The following RELN variants were observed in gnomAD, a reference collection of about 807,000 sequenced individuals.
The protein encoded by RELN is reelin.
Under a neutral mutation model 427.6 loss-of-function variants are expected in RELN, and 108 were observed. The ratio of observed to expected loss-of-function variants is 0.25; its 90% confidence interval spans 0.22 to 0.30. RELN has a LOEUF of 0.30. Among genes scored for constraint, RELN ranks in the 10% least tolerant of loss-of-function variants. The pLI, the probability that RELN is intolerant of heterozygous loss-of-function variation, is 1.00. For missense variants in RELN, 3,715 were observed against 4,302.8 expected (o/e 0.86, Z 3.82); for synonymous variants, 1,524 against 1,513.4 (o/e 1.01, Z -0.16).
At chr7:103,547,259 T>C (rs1830317371) in intron 41 of RELN, among the ~76,000 whole-genome samples, 1 of 152,196 alleles carries the variant, frequency 6.6e-6, no homozygotes, top group South Asian at 2.1e-4. Context: ...TTCTAAAATT[T>C]AGTGGATAGT....
At chr7:103,873,000 A>G (rs568381743) in intron 2 of RELN, among the ~76,000 whole-genome samples, 2 of 152,140 alleles carry the variant, frequency 1.3e-5, no homozygotes, top group East Asian at 3.9e-4. Flanking sequence ...AAATTAACAA[A>G]CTATCTCTCA....
intron 24 of RELN, among the ~76,000 whole-genome samples, chr7:103,599,272 G>A (rs1206232852): frequency 1.3e-5 from 2 of 150,856 alleles, no homozygotes; most frequent in Non-Finnish European, 2.9e-5. Context: ...CATTTATTCA[G>A]TCTTTCTTCA....
Position 103,968,436 on chromosome 7 carries a change from AC to A in RELN, c.226+20694del, listed in dbSNP as rs1230847518. Among the ~76,000 whole-genome samples the A allele has an allele frequency of 6.6e-6, 1 of 152,174 alleles. No homozygotes were observed. The highest frequency in any genetic ancestry group is 2.4e-5 in the African/African-American group (1 of 41,454). On this transcript the variant is annotated intron_variant, in intron 1 of 64. Transcript: ENST00000428762. The surrounding 1 kb of genome is among the most constrained non-coding windows in gnomAD (Gnocchi z 4.3). Reference sequence around the variant, plus strand: ...TTGGTTTGACATCAGGTCTGCAGGCACCATGCGTTGCTACTGAGGACTAACT... The same window carrying A: ...TTGGTTTGACATCAGGTCTGCAGGCACATGCGTTGCTACTGAGGACTAACT...
At chr7:103,818,564 T>A (rs1792938992) in intron 3 of RELN, among the ~76,000 whole-genome samples, 1 of 152,278 alleles carries the variant, frequency 6.6e-6, no homozygotes, top group Admixed American at 6.5e-5. Flanking sequence ...TAGCTTTTAA[T>A]TTTATCAGGT....
intron 63 of RELN, among the ~76,000 whole-genome samples, chr7:103,480,112 C>T (rs889683636): frequency 6.6e-6 from 1 of 152,108 alleles, no homozygotes; most frequent in Admixed American, 6.6e-5. Flanking sequence ...TGCTCCTCTC[C>T]CTGCCATGCT....
At chr7:103,516,286 CTTTT>C (rs3051646) in intron 49 of RELN, among the ~76,000 whole-genome samples, 2 of 141,128 alleles carry the variant, frequency 1.4e-5, no homozygotes. Context: ...CACAAAGTAT[CTTTT>C]TTTTTTTTTT....
At chr7:103,987,087 A>C (rs553238907) in intron 1 of RELN, among the ~76,000 whole-genome samples, 11 of 152,112 alleles carry the variant, frequency 7.2e-5, no homozygotes, top group South Asian at 4.1e-4. Context: ...AAAAAAAAAA[A>C]AAAACTCTTA....
intron 1 of RELN, among the ~76,000 whole-genome samples, chr7:103,938,121 G>GACC (rs1563101475): frequency 6.6e-6 from 1 of 152,126 alleles, no homozygotes; most frequent in East Asian, 1.9e-4. Flanking sequence ...AGGAGTTAGA[G>GACC]ACCAGCCTGG....
chr7:103,983,666 T>C (rs1011618455), intron 1 of RELN, among the ~76,000 whole-genome samples: 1 of 152,218 alleles, frequency 6.6e-6, no homozygotes, highest in African/African-American at 2.4e-5. Flanking sequence ...CCAATGTTTT[T>C]GAAATGAAAA....
At chr7:103,928,111 A>T (rs2116700650) in intron 1 of RELN, among the ~76,000 whole-genome samples, 1 of 152,348 alleles carries the variant, frequency 6.6e-6, no homozygotes, top group South Asian at 2.1e-4. Context: ...GATTTTTATA[A>T]ACATATATCT....
intron 44 of RELN, 94 bp downstream of exon 44, chr7:103,540,103 A>C (rs1467444441): frequency 7.1e-7 from 1 of 1,417,488 alleles, no homozygotes; most frequent in Non-Finnish European, 9.9e-7. Context: ...TCTGGGTTTC[A>C]TCTACTGAGC....
intron 1 of RELN, among the ~76,000 whole-genome samples, chr7:103,983,562 G>A (rs940909405): frequency 2.6e-5 from 4 of 152,106 alleles, no homozygotes; most frequent in Admixed American, 1.3e-4. Context: ...CTTTTAAAAC[G>A]CTTTTGCTTA....
chr7:103,986,930 CTGTG>C (rs68023932), intron 1 of RELN, among the ~76,000 whole-genome samples: 3,336 of 148,948 alleles, frequency 0.022, 70 homozygotes, highest in African/African-American at 0.052. Context: ...CTAACAGAAG[CTGTG>C]TGTGTGTGTG....
chr7:103,892,556 CT>C (rs1221333294), intron 2 of RELN, among the ~76,000 whole-genome samples: 1 of 152,034 alleles, frequency 6.6e-6, no homozygotes, highest in African/African-American at 2.4e-5. Context: ...ATATGGGTAA[CT>C]TTTTTATAAG....
chr7:103,601,385 T>C (rs932809623), intron 24 of RELN, among the ~76,000 whole-genome samples: 1 of 152,202 alleles, frequency 6.6e-6, no homozygotes, highest in Non-Finnish European at 1.5e-5. Flanking sequence ...ATCCTCTATC[T>C]TGTTTACTTG....
chr7:103,948,686 T>A (rs996779002), intron 1 of RELN, among the ~76,000 whole-genome samples: 7 of 151,822 alleles, frequency 4.6e-5, no homozygotes, highest in African/African-American at 1.7e-4. Flanking sequence ...AATAATAAAT[T>A]TGGGCATTTC....
At chr7:103,842,524 T>C (rs1793577214) in intron 2 of RELN, among the ~76,000 whole-genome samples, 1 of 152,188 alleles carries the variant, frequency 6.6e-6, no homozygotes, top group Non-Finnish European at 1.5e-5. Context: ...AAAACACCCT[T>C]ATTGCAGCTT....
intron 3 of RELN, among the ~76,000 whole-genome samples, chr7:103,828,778 C>T (rs565253323): frequency 6.6e-6 from 1 of 151,730 alleles, no homozygotes; most frequent in Non-Finnish European, 1.5e-5. Context: ...TGAATGAATT[C>T]AATAATATTT....
intron 36 of RELN, among the ~76,000 whole-genome samples, chr7:103,559,474 C>A (rs1830594678): frequency 6.6e-6 from 1 of 152,176 alleles, no homozygotes; most frequent in Admixed American, 6.5e-5. Context: ...TAATTCACTG[C>A]TCTGTTCGGT....
Sources: allele counts gnomAD v4.1 joint callset (sites outside exome capture counted in the v4.1 genomes callset), GRCh38; gene constraint gnomAD v4.1.1; non-coding constraint Gnocchi (gnomAD v3.1); transcripts MANE v1.5; gene names NCBI Gene and HGNC (gene_info 2026-07-23, HGNC 2026-07-21).